Variants in IGSF11 observed in about 807,000 individuals in gnomAD.
The protein encoded by IGSF11 is CXADR like 1.
A neutral mutation model predicts 41.0 loss-of-function variants in IGSF11; 22 were observed. That is an observed-to-expected ratio of 0.54 (90% CI 0.38 to 0.77). The LOEUF (loss-of-function observed/expected upper bound fraction) is 0.77. Among genes scored for constraint, IGSF11 ranks in the 30% least tolerant of loss-of-function variants. The probability of loss-of-function intolerance (pLI) is 0.00; values close to 1 mark genes in which losing one functional copy is unlikely to be tolerated. For missense variants in IGSF11, 444 were observed against 530.8 expected (o/e 0.84, Z 1.61); for synonymous variants, 219 against 201.3 (o/e 1.09, Z -0.74).
At chr3:119,022,270 GT>G (rs1469096495) in intron 1 of IGSF11, among the ~76,000 whole-genome samples, 1 of 152,182 alleles carries the variant, frequency 6.6e-6, no homozygotes, top group African/African-American at 2.4e-5. Context: ...GTTACCAGGG[GT>G]TAAGTGGAAA....
intron 4 of IGSF11, among the ~76,000 whole-genome samples, chr3:118,923,320 A>G (rs979823758): frequency 6.6e-6 from 1 of 152,200 alleles, no homozygotes; most frequent in African/African-American, 2.4e-5. Flanking sequence ...GGAACTAGTT[A>G]GTGCGCTCAG....
chr3:118,992,810 T>G (rs746522632), intron 1 of IGSF11, among the ~76,000 whole-genome samples: 1 of 152,200 alleles, frequency 6.6e-6, no homozygotes, highest in Non-Finnish European at 1.5e-5. Flanking sequence ...TTCAACTTTA[T>G]GAAAATTAAG....
chr3:119,106,714 T>A (rs12493002), upstream of IGSF11, among the ~76,000 whole-genome samples: 1 of 152,046 alleles, frequency 6.6e-6, no homozygotes. Context: ...ATCAGGTATA[T>A]CTCCTAATGC....
At chr3:118,958,494 T>C (rs1032518400) in intron 1 of IGSF11, among the ~76,000 whole-genome samples, 3 of 152,204 alleles carry the variant, frequency 2.0e-5, no homozygotes, top group Non-Finnish European at 4.4e-5. Context: ...AGCCATGCAT[T>C]TCATTAGTCT....
At chr3:118,992,838 T>C (rs886491752) in intron 1 of IGSF11, among the ~76,000 whole-genome samples, 2 of 152,176 alleles carry the variant, frequency 1.3e-5, no homozygotes, top group Admixed American at 1.3e-4. Context: ...GTGTTCCAAA[T>C]GTGACACTAC....
rs574961780 is a variant in IGSF11, at chr3:118,941,567, C to T, written c.53-11292G>A. ...TTGGAAACATTTTCATATTTTATTACAGAATTAAATGTACACTTAACTATA... is the reference window on the plus strand; with the variant it reads ...TTGGAAACATTTTCATATTTTATTATAGAATTAAATGTACACTTAACTATA... On this transcript the variant is annotated intron_variant, in intron 1 of 6. Transcript: ENST00000393775. 2.0e-5 allele frequency among the ~76,000 whole-genome samples: 3 copies of T among 152,206 alleles called. 1 individual carries two copies. Among genetic ancestry groups the T allele is most frequent in the African/African-American group, 7.2e-5 (3 of 41,548 alleles).
chr3:119,100,304 A>C (rs1183538726), intron 1 of IGSF11, among the ~76,000 whole-genome samples: 2 of 152,230 alleles, frequency 1.3e-5, no homozygotes, highest in African/African-American at 4.8e-5. Context: ...AGAAAAAGAC[A>C]CAGATATAAG....
chr3:118,938,980 C>T (rs1251165370), intron 1 of IGSF11, among the ~76,000 whole-genome samples: 1 of 152,128 alleles, frequency 6.6e-6, no homozygotes, highest in Non-Finnish European at 1.5e-5. Flanking sequence ...GAAAAACCTG[C>T]AATTATGGTT....
intron 4 of IGSF11, among the ~76,000 whole-genome samples, chr3:118,916,877 T>G (rs1168296349): frequency 6.6e-6 from 1 of 151,820 alleles, no homozygotes; most frequent in South Asian, 2.1e-4. Context: ...CCTCAGCAAA[T>G]GTGAAAGAAC....
chr3:118,925,471 A>G (rs1465111563), intron 4 of IGSF11, among the ~76,000 whole-genome samples: 1 of 152,158 alleles, frequency 6.6e-6, no homozygotes, highest in East Asian at 1.9e-4. Context: ...TTTTATAATA[A>G]AATTCTATAT....
intron 1 of IGSF11, among the ~76,000 whole-genome samples, chr3:118,975,701 T>TG (rs1559986689): frequency 6.6e-6 from 1 of 152,166 alleles, no homozygotes; most frequent in Non-Finnish European, 1.5e-5. Flanking sequence ...AAAAGAATGA[T>TG]ATCATGTCCT....
rs768718641 is a variant in IGSF11 at position 118,928,605 on chromosome 3, T to A, written c.328A>T (p.Thr110Ser). 6.2e-7 allele frequency: 1 copy of A among 1,613,950 alleles called. No homozygotes were observed. Among genetic ancestry groups the A allele is most frequent in the East Asian group, 2.2e-5 (1 of 44,872 alleles). ...TAGGTGCCAGTGTCTGATAACTGAGTGTTATTAATGAAGATAGAGACATTG... is the reference window on the plus strand; with the variant it reads ...TAGGTGCCAGTGTCTGATAACTGAGAGTTATTAATGAAGATAGAGACATTG... Reference protein sequence around the residue: ...ATNVSIFINNTQLSDTGTYQC... With the variant: ...ATNVSIFINNSQLSDTGTYQC... Residue 110 changes from threonine (T) to serine (S), a missense_variant, in exon 3 of 7, where the codon ACT becomes TCT. Thr to Ser is a moderately conservative substitution (Grantham distance 58). Transcript: ENST00000393775.
intron 1 of IGSF11, among the ~76,000 whole-genome samples, chr3:119,142,666 A>C (rs1033767857): frequency 1.3e-5 from 2 of 152,112 alleles, no homozygotes; most frequent in African/African-American, 4.8e-5. Context: ...AGAGAGAGAA[A>C]GGGAAAGAAA....
At chr3:119,058,340 A>C (rs1290624824) in intron 1 of IGSF11, among the ~76,000 whole-genome samples, 1 of 152,254 alleles carries the variant, frequency 6.6e-6, no homozygotes, top group East Asian at 1.9e-4. Context: ...TCCCAAAAGA[A>C]GACATTTATG....
intron 1 of IGSF11, among the ~76,000 whole-genome samples, chr3:118,943,865 T>C (rs777705684): frequency 1.3e-5 from 2 of 152,244 alleles, no homozygotes; most frequent in Non-Finnish European, 2.9e-5. Context: ...ATAGCTCTAC[T>C]TGGCTATAAT....
chr3:119,084,265 C>T (rs2076634397), intron 1 of IGSF11, among the ~76,000 whole-genome samples: 2 of 151,900 alleles, frequency 1.3e-5, no homozygotes, highest in African/African-American at 2.4e-5. Flanking sequence ...AGGCTGAAGG[C>T]AAGGAAGCTG....
chr3:118,985,038 T>C (rs1039384233), intron 1 of IGSF11, among the ~76,000 whole-genome samples: 1 of 152,158 alleles, frequency 6.6e-6, no homozygotes, highest in African/African-American at 2.4e-5. Flanking sequence ...CTAATAATTT[T>C]CTCTAAACTT....
At chr3:118,943,243 G>A (rs910412767) in intron 1 of IGSF11, 5 of 152,106 alleles carry the variant, frequency 3.3e-5, no homozygotes, top group African/African-American at 1.2e-4. Flanking sequence ...TTATCACAAT[G>A]ATTTTTTTAA....
At chr3:119,060,951 T>C (rs2107453114) in intron 1 of IGSF11, among the ~76,000 whole-genome samples, 1 of 152,262 alleles carries the variant, frequency 6.6e-6, no homozygotes, top group East Asian at 1.9e-4. Context: ...TTTGTAAACA[T>C]GAAAGACTAA....
Sources: allele counts gnomAD v4.1 joint callset (sites outside exome capture counted in the v4.1 genomes callset), GRCh38; gene constraint gnomAD v4.1.1; transcripts MANE v1.5; gene names NCBI Gene and HGNC (gene_info 2026-07-23, HGNC 2026-07-21).